The following MBOAT2 variants were observed in gnomAD, a reference collection of about 807,000 sequenced individuals.
MBOAT2 encodes the protein membrane-bound glycerophospholipid O-acyltransferase 2.
A neutral mutation model predicts 63.4 loss-of-function variants in MBOAT2; 28 were observed. That is an observed-to-expected ratio of 0.44 (90% CI 0.33 to 0.61). The LOEUF is 0.61. Among genes scored for constraint, MBOAT2 ranks in the 20% least tolerant of loss-of-function variants. The pLI is 0.03. For missense variants in MBOAT2, 470 were observed against 605.8 expected, an observed-to-expected ratio of 0.78 and a Z score of 2.35; for synonymous variants, 211 against 215.6, an observed-to-expected ratio of 0.98 and a Z score of 0.19.
intron 1 of MBOAT2, among the ~76,000 whole-genome samples, chr2:8,978,981 G>C (rs1301912238): frequency 6.6e-6 from 1 of 151,808 alleles, no homozygotes; most frequent in Non-Finnish European, 1.5e-5. Context: ...TACAACATCA[G>C]CACACTACCT....
At chr2:8,944,253 T>C (rs1210880920) in intron 2 of MBOAT2, among the ~76,000 whole-genome samples, 2 of 152,204 alleles carry the variant, frequency 1.3e-5, no homozygotes, top group African/African-American at 2.4e-5. Flanking sequence ...AGGCAAAACA[T>C]GATTAGGATG....
intron 4 of MBOAT2, among the ~76,000 whole-genome samples, chr2:8,894,406 C>T (rs1477007426): frequency 6.6e-6 from 1 of 152,182 alleles, no homozygotes; most frequent in Non-Finnish European, 1.5e-5. Flanking sequence ...GGGAGACACT[C>T]CCACAGAATG....
At chr2:8,912,303 G>GA (rs1553362294) in intron 3 of MBOAT2, among the ~76,000 whole-genome samples, 13 of 60,204 alleles carry the variant, frequency 2.2e-4, no homozygotes, top group African/African-American at 8.9e-4. Context: ...AGAAAGAAAA[G>GA]AAAGAAAGAA....
At chr2:8,965,041 T>C (rs1400032949) in intron 1 of MBOAT2, among the ~76,000 whole-genome samples, 3 of 152,210 alleles carry the variant, frequency 2.0e-5, no homozygotes, top group East Asian at 1.9e-4. Flanking sequence ...TCTTTTCCAA[T>C]AGTGATTTCC....
chr2:8,956,738 T>C (rs567096715), intron 2 of MBOAT2, among the ~76,000 whole-genome samples: 194 of 152,306 alleles, frequency 1.3e-3, no homozygotes, highest in African/African-American at 4.4e-3. Context: ...TCACATATAA[T>C]TTGAAGTACT....
At position 9,003,175 on chromosome 2, in the gene MBOAT2, T is replaced by G. The variant is rs1392914093; in HGVS notation, c.75+365A>C. Among the ~76,000 whole-genome samples, 2 of 151,996 alleles carry G rather than the reference T, an allele frequency of 1.3e-5. No individual in the cohort carries two copies. The highest frequency in any genetic ancestry group is 2.9e-5 in the Non-Finnish European group (2 of 67,980). On this transcript the variant is annotated intron_variant, in intron 1 of 12. Transcript: ENST00000305997. The surrounding 1 kb of genome is among the most constrained non-coding windows in gnomAD (Gnocchi z 5.4). Reference sequence around the variant, plus strand: ...CGCACCCTTTCCACAACCCGGTCCATGCGCACCGGGGGCTGCTCCGGGACC... The same window carrying G: ...CGCACCCTTTCCACAACCCGGTCCAGGCGCACCGGGGGCTGCTCCGGGACC...
At chr2:8,943,292 G>A (rs753287055) in intron 2 of MBOAT2, 28 bp from the exon 3 acceptor site, 1 of 1,390,442 alleles carries the variant, frequency 7.2e-7, no homozygotes, top group East Asian at 2.4e-5. Context: ...ACTATTAGAA[G>A]AGGGATGCCA....
rs1020799755 is a variant in MBOAT2 at position 9,003,681 on chromosome 2, G to C, written c.-67C>G. ...CTCGCGCTGTGCCGGGCGACGACGA[G>C]GATGGGGATGCAGCGGCGCGCCCGC... On this transcript the variant is annotated 5_prime_UTR_variant, in exon 1 of 13. Coordinates refer to ENST00000305997, the MANE Select transcript of MBOAT2 (RefSeq NM_138799.4). The surrounding 1 kb of genome is among the most constrained non-coding windows in gnomAD (Gnocchi z 5.4). 2.0e-5 allele frequency: 20 copies of C among 1,025,388 alleles called. No homozygotes were observed. The highest frequency in any genetic ancestry group is 2.1e-5 in the Non-Finnish European group (18 of 838,282). 63.5% of individuals were successfully genotyped at this position (1,025,388 alleles called of 1,614,324 possible).
At chr2:8,898,009 A>T (rs1212819805) in intron 4 of MBOAT2, among the ~76,000 whole-genome samples, 1 of 152,192 alleles carries the variant, frequency 6.6e-6, no homozygotes, top group Admixed American at 6.5e-5. Flanking sequence ...TCTGACACTA[A>T]GACGGCCACC....
chr2:8,953,254 G>T lies in MBOAT2; in HGVS notation c.221+5243C>A, dbSNP rs535144200. Reference sequence around the variant, plus strand: ...TTGGTGGGTTATGAAATTCTTGGTTGGAATTTCTTTAAGAATGCTGAAAAT... The same window carrying T: ...TTGGTGGGTTATGAAATTCTTGGTTTGAATTTCTTTAAGAATGCTGAAAAT... On this transcript the variant is annotated intron_variant, in intron 2 of 12. Coordinates refer to ENST00000305997, the MANE Select transcript of MBOAT2 (RefSeq NM_138799.4). Among the ~76,000 whole-genome samples the T allele has an allele frequency of 2.0e-5, 3 of 152,254 alleles. No homozygotes were observed. In the East Asian group the frequency reaches 5.8e-4, roughly 29 times the overall value.
At chr2:8,953,147 G>A (rs1218447281) in intron 2 of MBOAT2, among the ~76,000 whole-genome samples, 1 of 152,132 alleles carries the variant, frequency 6.6e-6, no homozygotes, top group East Asian at 1.9e-4. Context: ...AAGGATCTAA[G>A]GCTGGTCTGA....
rs1226877825 is a variant in MBOAT2, at chr2:8,858,885, G to T, written c.1357C>A (p.His453Asn). Residue 453 changes from histidine to asparagine, a missense_variant, in exon 13 of 13, where the codon CAC becomes AAC. By Grantham distance (68) the His-to-Asn change is moderately conservative. Transcript: ENST00000305997. ...TFYSSWYYCL[H>N]ILGILVLLLL... ...AATAATACTAAGATACCAAGAATGT[G>T]CAGGCAATAATACCAGGAGCTAAAA... 2.5e-6 allele frequency: 4 copies of T among 1,610,558 alleles called. No homozygotes were observed. Among genetic ancestry groups the T allele is most frequent in the Non-Finnish European group, 3.4e-6 (4 of 1,178,864 alleles).
intron 1 of MBOAT2, among the ~76,000 whole-genome samples, chr2:8,966,309 T>G (rs1284667425): frequency 1.3e-5 from 2 of 152,330 alleles, no homozygotes; most frequent in East Asian, 3.9e-4. Context: ...GAGGTGTGTC[T>G]TGACTGCCAA....
At chr2:8,915,751 T>G (rs2148600423) in intron 3 of MBOAT2, among the ~76,000 whole-genome samples, 1 of 152,344 alleles carries the variant, frequency 6.6e-6, no homozygotes, top group African/African-American at 2.4e-5. Flanking sequence ...ACTGAATGTC[T>G]TCAAATAGAA....
chr2:8,985,597 A>G (rs1355086926), intron 1 of MBOAT2, among the ~76,000 whole-genome samples: 1 of 152,126 alleles, frequency 6.6e-6, no homozygotes, highest in Non-Finnish European at 1.5e-5. Flanking sequence ...TCCCATAATT[A>G]TCTGCCCTAG....
intron 2 of MBOAT2, among the ~76,000 whole-genome samples, chr2:8,948,769 T>A (rs763221253): frequency 2.0e-5 from 3 of 152,222 alleles, no homozygotes. Flanking sequence ...TGATTCCATG[T>A]CTTTGCTATT....
intron 1 of MBOAT2, among the ~76,000 whole-genome samples, chr2:8,972,338 T>C (rs947372464): frequency 5.8e-4 from 88 of 152,234 alleles, no homozygotes; most frequent in Admixed American, 2.9e-3. Context: ...AAACTGGATC[T>C]CTTCCTTACA....
chr2:8,951,718 A>C (rs1301486504), intron 2 of MBOAT2, among the ~76,000 whole-genome samples: 1 of 152,214 alleles, frequency 6.6e-6, no homozygotes, highest in Non-Finnish European at 1.5e-5. Context: ...TTGTGTGCAC[A>C]GAGATGTTTA....
At chr2:8,941,654 GAA>G (rs562089473) in intron 3 of MBOAT2, among the ~76,000 whole-genome samples, 7 of 128,530 alleles carry the variant, frequency 5.4e-5, no homozygotes, top group Admixed American at 7.8e-5. Context: ...CGTCTCAAAG[GAA>G]AAAAAAAAAA....
Sources: gnomAD v4.1 joint callset for allele counts (sites outside exome capture counted in the v4.1 genomes callset) on GRCh38, gnomAD v4.1.1 for gene constraint, Gnocchi (gnomAD v3.1) non-coding constraint, MANE v1.5 for transcripts, NCBI Gene and HGNC (gene_info 2026-07-23, HGNC 2026-07-21) for gene names.